The following SEM1 variants were observed in gnomAD, a reference collection of about 807,000 sequenced individuals.
SEM1 encodes the protein SEM1 26S proteasome subunit, also known as 26S proteasome complex subunit SEM1.
Under a neutral mutation model 12.7 loss-of-function variants are expected in SEM1, and 3 were observed. That is an observed-to-expected ratio of 0.24 (90% CI 0.11 to 0.61). SEM1 has a LOEUF of 0.61. Among genes scored for constraint, SEM1 ranks in the 20% least tolerant of loss-of-function variants. The pLI is 0.88. For synonymous variants in SEM1, 30 were observed against 27.8 expected (o/e 1.08, Z -0.25); for missense variants, 59 against 81.3 (o/e 0.73, Z 1.06).
At chr7:96,523,337 G>A (rs915023262) in intron 2 of SEM1, among the ~76,000 whole-genome samples, 7 of 152,100 alleles carry the variant, frequency 4.6e-5, no homozygotes, top group Non-Finnish European at 7.4e-5. Context: ...TCTGATGGAG[G>A]CAGTGGTTGG....
chr7:96,554,657 C>CT (rs1184070974), intron 2 of SEM1, among the ~76,000 whole-genome samples: 1 of 151,586 alleles, frequency 6.6e-6, no homozygotes, highest in Non-Finnish European at 1.5e-5. Flanking sequence ...CTAACATTCT[C>CT]TTTTTTTGTT....
At position 96,575,538 on chromosome 7, in the gene SEM1, A is replaced by T. The variant is rs944515142; in HGVS notation, c.171-68840T>A. Among the ~76,000 whole-genome samples the T allele has an allele frequency of 2.6e-4, 39 of 152,210 alleles. 1 individual carries two copies. Among genetic ancestry groups the T allele is most frequent in the Admixed American group, 3.3e-4 (5 of 15,278 alleles). ...CTCTGTTTATAGACAGCAGGCAGGA[A>T]CATTTACGTCTGCTGAAGCTGCGCC... On this transcript the variant is annotated intron_variant and NMD_transcript_variant, in intron 2 of 3. Coordinates refer to the SEM1 transcript ENST00000466986.
At position 96,709,715 on chromosome 7, in the gene SEM1, C is replaced by T; in HGVS notation, c.49G>A (p.Asp17Asn). The change falls in exon 1 of 3, where the codon GAC (aspartate) becomes AAC (asparagine). Residue 17 changes from aspartate (D) to asparagine (N), a missense_variant. Asp to Asn is a conservative substitution (Grantham distance 23). Coordinates refer to ENST00000248566, the MANE Select transcript of SEM1 (RefSeq NM_006304.2). ...PVDLGLLEED[D>N]EFEEFPAEDW... ...TCGGCAGGGAACTCTTCAAACTCGT[C>T]GTCTTCCTCTAACAGACCTAAGTCT... is the stretch of plus-strand genomic sequence containing the variant. 6.2e-7 allele frequency: 1 copy of T among 1,613,900 alleles called. No homozygotes were observed. Among genetic ancestry groups the T allele is most frequent in the Non-Finnish European group, 8.5e-7 (1 of 1,179,896 alleles).
chr7:96,525,604 G>T (rs796929666), intron 2 of SEM1, among the ~76,000 whole-genome samples: 8 of 152,106 alleles, frequency 5.3e-5, no homozygotes, highest in African/African-American at 1.9e-4. Context: ...TTTGATGTTT[G>T]GTAGGGCTTG....
chr7:96,591,691 A>G (rs1806833489), intron 2 of SEM1, among the ~76,000 whole-genome samples: 1 of 152,174 alleles, frequency 6.6e-6, no homozygotes, highest in Admixed American at 6.5e-5. Flanking sequence ...ATAGTTCCTT[A>G]CATGGGGTCT....
chr7:96,570,095 C>A (rs1384882320), intron 2 of SEM1, among the ~76,000 whole-genome samples: 1 of 151,510 alleles, frequency 6.6e-6, no homozygotes, highest in African/African-American at 2.4e-5. Flanking sequence ...TTTGAGAAAC[C>A]TTCATACTAT....
chr7:96,673,071 TA>T (rs1313036792), downstream of SEM1: 3 of 152,160 alleles, frequency 2.0e-5, no homozygotes, highest in East Asian at 5.8e-4. Context: ...AATAAAATAA[TA>T]AAACATGGAA....
chr7:96,522,731 C>CG (rs907720039), intron 2 of SEM1, among the ~76,000 whole-genome samples: 5 of 110,454 alleles, frequency 4.5e-5, no homozygotes, highest in Admixed American at 9.6e-5. Context: ...TACCCCCCCC[C>CG]CAAAAAAAAA....
chr7:96,514,648 A>T (rs569496520), intron 2 of SEM1, among the ~76,000 whole-genome samples: 1 of 152,160 alleles, frequency 6.6e-6, no homozygotes, highest in Non-Finnish European at 1.5e-5. Flanking sequence ...TAGAAACATG[A>T]TACCATTTAT....
At chr7:96,582,849 T>A (rs1372983826) in intron 2 of SEM1, among the ~76,000 whole-genome samples, 1 of 152,256 alleles carries the variant, frequency 6.6e-6, no homozygotes, top group Non-Finnish European at 1.5e-5. Context: ...TGCGTCTATT[T>A]GATTCTTCTC....
chr7:96,627,733 G>A (rs1447043611), intron 2 of SEM1, among the ~76,000 whole-genome samples: 2 of 152,114 alleles, frequency 1.3e-5, no homozygotes, highest in Admixed American at 1.3e-4. Flanking sequence ...GGAAAACAAT[G>A]TTTATTCTGC....
At chr7:96,620,672 T>C (rs978138424), downstream of SEM1, among the ~76,000 whole-genome samples, 16 of 152,330 alleles carry the variant, frequency 1.1e-4, no homozygotes, top group African/African-American at 3.1e-4. Flanking sequence ...GTGCTTCCCA[T>C]GTCTTCTCTG....
intron 2 of SEM1, among the ~76,000 whole-genome samples, chr7:96,591,813 GTT>G (rs71127462): frequency 8.9e-5 from 13 of 146,782 alleles, no homozygotes; most frequent in African/African-American, 3.3e-4. Context: ...AGGCAATGGA[GTT>G]TTTTTTTTTT....
chr7:96,614,599 T>G (rs1228698754), intron 2 of SEM1, among the ~76,000 whole-genome samples: 1 of 152,232 alleles, frequency 6.6e-6, no homozygotes, highest in African/African-American at 2.4e-5. Context: ...TTATTCAGCC[T>G]TCGTTTCTTG....
intron 2 of SEM1, among the ~76,000 whole-genome samples, chr7:96,552,896 G>A (rs1373388088): frequency 6.7e-6 from 1 of 149,184 alleles, no homozygotes; most frequent in Non-Finnish European, 1.5e-5. Context: ...TCTAACTGGT[G>A]TGAGATGGTA....
intron 2 of SEM1, among the ~76,000 whole-genome samples, chr7:96,661,959 G>A (rs1005837601): frequency 9.4e-5 from 13 of 137,764 alleles, no homozygotes; most frequent in African/African-American, 3.6e-4. Context: ...TTGCACTCCA[G>A]CCTAGGCAAC....
At chr7:96,578,272 A>G (rs1806271356) in intron 2 of SEM1, among the ~76,000 whole-genome samples, 3 of 66,374 alleles carry the variant, frequency 4.5e-5, no homozygotes, top group African/African-American at 1.9e-4. Flanking sequence ...ATAAGAGACA[A>G]ATAAGATAAA....
downstream of SEM1, among the ~76,000 whole-genome samples, chr7:96,686,443 G>C (rs545401674): frequency 6.6e-6 from 1 of 152,216 alleles, no homozygotes; most frequent in South Asian, 2.1e-4. Flanking sequence ...ATCACATTAA[G>C]TGGCCATCAT....
chr7:96,663,327 G>C (rs1789070635), intron 2 of SEM1, among the ~76,000 whole-genome samples: 1 of 152,174 alleles, frequency 6.6e-6, no homozygotes, highest in Non-Finnish European at 1.5e-5. Context: ...AGGAAGAGTA[G>C]AATTACATTT....
Sources: gnomAD v4.1 joint callset for allele counts (sites outside exome capture counted in the v4.1 genomes callset) on GRCh38, gnomAD v4.1.1 for gene constraint, MANE v1.5 for transcripts, NCBI Gene and HGNC (gene_info 2026-07-23, HGNC 2026-07-21) for gene names.